The following TBC1D32 variants were observed in gnomAD, a reference collection of about 807,000 sequenced individuals.
TBC1D32 encodes the protein protein broad-minded.
TBC1D32 carries 151 observed loss-of-function variants against 170.3 expected under a neutral mutation model. The ratio of observed to expected loss-of-function variants is 0.89; its 90% CI spans 0.78 to 1.01. The LOEUF is 1.01. Among genes scored for constraint, TBC1D32 ranks in the 50% least tolerant of loss-of-function variants. The probability of loss-of-function intolerance (pLI) is 0.00; values close to 1 mark genes in which losing one functional copy is unlikely to be tolerated. For missense variants in TBC1D32, 1,464 were observed against 1,457.1 expected, an observed-to-expected ratio of 1.00 and a Z score of -0.08; for synonymous variants, 498 against 488.0, an observed-to-expected ratio of 1.02 and a Z score of -0.27.
At chr6:121,311,616 T>A (rs1484871840) in intron 3 of TBC1D32, among the ~76,000 whole-genome samples, 2 of 151,666 alleles carry the variant, frequency 1.3e-5, no homozygotes, top group Non-Finnish European at 2.9e-5. Flanking sequence ...TACTCCCAGC[T>A]ACTCGGGAGG....
rs375532570 is a variant in TBC1D32 at position 121,131,757 on chromosome 6, T to C, written c.2774-5A>G. On this transcript the variant is annotated splice_region_variant and splice_polypyrimidine_tract_variant and intron_variant, in intron 24 of 31. Transcript: ENST00000398212. The stretch of plus-strand genomic sequence containing the variant: ...AAAGCTTGTCAAGATCATTGTCTAA[T>C]CAGAAAGATAACATACTATTATAAT... 7.0e-6 allele frequency: 11 copies of C among 1,576,312 alleles called. No individual in the cohort carries two copies. The African/African-American group carries it at 1.5e-4, about 21-fold the overall frequency.
intron 21 of TBC1D32, among the ~76,000 whole-genome samples, chr6:121,220,109 G>T (rs1273823922): frequency 6.6e-6 from 1 of 152,040 alleles, no homozygotes; most frequent in Non-Finnish European, 1.5e-5. Context: ...AACCTCTAAG[G>T]GTTCAAATAA....
chr6:121,331,581 A>T (rs1292592328), intron 1 of TBC1D32, among the ~76,000 whole-genome samples: 12 of 152,122 alleles, frequency 7.9e-5, no homozygotes, highest in Non-Finnish European at 1.5e-4. Flanking sequence ...CATCACTTGG[A>T]TTTAACGAAT....
chr6:121,101,940 G>A (rs941947217), intron 30 of TBC1D32, among the ~76,000 whole-genome samples: 12 of 151,750 alleles, frequency 7.9e-5, no homozygotes, highest in Admixed American at 2.6e-4. Context: ...CTTATACACC[G>A]ATAACAGACA....
rs1191358364 is a variant in TBC1D32 at position 121,192,081 on chromosome 6, T to TATATATATATATATCTCC, written c.2570+12993_2570+12994insGGAGATATATATATATAT. ...AAACTACCCTTTATATATATATATA[T>TATATATATATATATCTCC]ATCCTATTAGTTCTATCCTTCTGGG... On this transcript the variant is annotated intron_variant, in intron 22 of 31. Transcript: ENST00000398212. 6.8e-5 allele frequency among the ~76,000 whole-genome samples: 9 copies of TATATATATATATATCTCC among 132,404 alleles called. 2 individuals carry two copies. Among genetic ancestry groups the TATATATATATATATCTCC allele is most frequent in the Admixed American group, 6.0e-4 (6 of 9,926 alleles). The allele number at this position is 132,404 out of a possible 152,430, so 86.9% of individuals were successfully genotyped here.
intron 11 of TBC1D32, among the ~76,000 whole-genome samples, chr6:121,294,263 G>A (rs7741356): frequency 0.079 from 12,012 of 152,084 alleles, 788 homozygotes; most frequent in African/African-American, 0.17. Context: ...ATTATTGAAG[G>A]GGAAAGGATG....
intron 5 of TBC1D32, among the ~76,000 whole-genome samples, chr6:121,307,053 G>A (rs573686311): frequency 6.6e-6 from 1 of 150,714 alleles, no homozygotes; most frequent in Non-Finnish European, 1.5e-5. Flanking sequence ...TTTTTAATTT[G>A]AGAGTATCAT....
At chr6:121,208,745 A>AAAAAAAAC (rs71761110) in intron 21 of TBC1D32, among the ~76,000 whole-genome samples, 1 of 151,096 alleles carries the variant, frequency 6.6e-6, no homozygotes, top group African/African-American at 2.4e-5. Context: ...AAAAAAAAAA[A>AAAAAAAAC]AACAGAAATT....
intron 2 of TBC1D32, among the ~76,000 whole-genome samples, chr6:121,320,016 C>T (rs1739129121): frequency 6.6e-6 from 1 of 151,984 alleles, no homozygotes; most frequent in South Asian, 2.1e-4. Context: ...AGAGTAAGTA[C>T]TTCCACTCAT....
chr6:121,169,256 A>G (rs1034454585), intron 22 of TBC1D32, among the ~76,000 whole-genome samples: 6 of 152,186 alleles, frequency 3.9e-5, no homozygotes, highest in South Asian at 2.1e-4. Context: ...GAACCTAGAA[A>G]TAAGGCCAAA....
intron 21 of TBC1D32, among the ~76,000 whole-genome samples, chr6:121,221,198 G>T (rs1162056823): frequency 3.9e-5 from 6 of 152,248 alleles, no homozygotes; most frequent in South Asian, 4.1e-4. Flanking sequence ...TAAAGTAAAT[G>T]ACAGTACATA....
chr6:121,255,996 T>C, intron 16 of TBC1D32, 88 bp downstream of exon 16: 1 of 1,152,036 alleles, frequency 8.7e-7, no homozygotes, highest in Non-Finnish European at 1.2e-6. Flanking sequence ...CCCAGTTAAA[T>C]ATTTCATCCA....
intron 21 of TBC1D32, among the ~76,000 whole-genome samples, chr6:121,220,224 T>C (rs1216086103): frequency 6.6e-6 from 1 of 152,224 alleles, no homozygotes; most frequent in Non-Finnish European, 1.5e-5. Flanking sequence ...CTGGGCCTCT[T>C]GTGCCAATTA....
intron 15 of TBC1D32, among the ~76,000 whole-genome samples, chr6:121,259,351 A>G (rs550060653): frequency 6.6e-6 from 1 of 152,212 alleles, no homozygotes; most frequent in East Asian, 1.9e-4. Flanking sequence ...AATGATTGGG[A>G]AAAATTTGAC....
chr6:121,251,077 A>G (rs1359439082), intron 17 of TBC1D32, among the ~76,000 whole-genome samples: 1 of 152,074 alleles, frequency 6.6e-6, no homozygotes, highest in East Asian at 1.9e-4. Context: ...AGGAAATAAG[A>G]GAGGAGACAA....
intron 12 of TBC1D32, 100 bp downstream of exon 12, chr6:121,291,953 T>C: frequency 8.0e-7 from 1 of 1,255,732 alleles, no homozygotes; most frequent in Non-Finnish European, 1.1e-6. Flanking sequence ...TGTAGCTAAG[T>C]ACCGTAGAAA....
chr6:121,205,752 G>A (rs7749984), intron 21 of TBC1D32, among the ~76,000 whole-genome samples: 12,319 of 151,990 alleles, frequency 0.081, 831 homozygotes, highest in African/African-American at 0.18. Context: ...CTAGGGGTGG[G>A]AATCTGGCAT....
intron 29 of TBC1D32, among the ~76,000 whole-genome samples, chr6:121,110,754 G>A (rs1779123851): frequency 3.3e-5 from 5 of 152,084 alleles, no homozygotes; most frequent in Admixed American, 3.3e-4. Flanking sequence ...AGGGGAAATA[G>A]CAATTCAAAA....
intron 3 of TBC1D32, among the ~76,000 whole-genome samples, chr6:121,315,484 T>A (rs1808798819): frequency 6.6e-6 from 1 of 152,182 alleles, no homozygotes; most frequent in Admixed American, 6.6e-5. Flanking sequence ...AACAGTCTCC[T>A]GTTTTTCAAT....
Sources: gnomAD v4.1 joint callset for allele counts (sites outside exome capture counted in the v4.1 genomes callset) on GRCh38, gnomAD v4.1.1 for gene constraint, MANE v1.5 for transcripts, NCBI Gene and HGNC (gene_info 2026-07-23, HGNC 2026-07-21) for gene names.